The following SGCZ variants were observed in gnomAD, a reference collection of about 807,000 sequenced individuals.
SGCZ encodes the protein zeta-sarcoglycan.
SGCZ carries 40 observed loss-of-function variants against 41.3 expected under a neutral mutation model. That is an observed-to-expected ratio of 0.97 (90% confidence interval 0.75 to 1.26). The LOEUF is 1.26. Among genes scored for constraint, SGCZ ranks in the 50% most tolerant of loss-of-function variants. The pLI is 0.00. For missense variants in SGCZ, 552 were observed against 369.8 expected, an observed-to-expected ratio of 1.49 and a Z score of -4.04; for synonymous variants, 206 against 137.5, an observed-to-expected ratio of 1.50 and a Z score of -3.49.
chr8:14,743,796 A>C (rs1799266089), intron 1 of SGCZ, among the ~76,000 whole-genome samples: 1 of 152,134 alleles, frequency 6.6e-6, no homozygotes, highest in African/African-American at 2.4e-5. Flanking sequence ...GAAGGAAAGA[A>C]GATAATTCAA....
intron 1 of SGCZ, among the ~76,000 whole-genome samples, chr8:14,733,469 A>G (rs545872394): frequency 1.7e-4 from 26 of 152,314 alleles, no homozygotes; most frequent in African/African-American, 6.0e-4. Flanking sequence ...ATTCATGTCC[A>G]TATCTGTGTC....
intron 2 of SGCZ, among the ~76,000 whole-genome samples, chr8:14,491,761 T>C (rs909354677): frequency 6.6e-6 from 1 of 152,184 alleles, no homozygotes; most frequent in East Asian, 1.9e-4. Context: ...AATTGATGTC[T>C]TGGGGAACCA....
At chr8:15,084,202 G>T (rs17120886) in intron 1 of SGCZ, among the ~76,000 whole-genome samples, 2 of 152,184 alleles carry the variant, frequency 1.3e-5, no homozygotes, top group South Asian at 4.2e-4. Context: ...AATATTGTCC[G>T]TGGTCACTGT....
chr8:15,167,952 G>A (rs946259492), intron 1 of SGCZ, among the ~76,000 whole-genome samples: 25 of 152,132 alleles, frequency 1.6e-4, no homozygotes, highest in African/African-American at 2.4e-4. Flanking sequence ...ATCACTTGGC[G>A]GTTTCTTTTT....
chr8:14,791,247 T>G (rs567460394), intron 1 of SGCZ, among the ~76,000 whole-genome samples: 17 of 152,054 alleles, frequency 1.1e-4, no homozygotes, highest in African/African-American at 4.1e-4. Flanking sequence ...ATTACTTCTT[T>G]TAGTTTGCCA....
At chr8:14,977,042 A>G (rs1270104977) in intron 1 of SGCZ, among the ~76,000 whole-genome samples, 1 of 152,204 alleles carries the variant, frequency 6.6e-6, no homozygotes, top group African/African-American at 2.4e-5. Context: ...ACAAACACCA[A>G]TGTCTTTGCC....
At chr8:14,425,027 A>G (rs925273837) in intron 2 of SGCZ, among the ~76,000 whole-genome samples, 2 of 152,166 alleles carry the variant, frequency 1.3e-5, no homozygotes, top group Non-Finnish European at 2.9e-5. Flanking sequence ...AGCTTGAAAT[A>G]TATTTTCTGT....
chr8:14,667,648 T>G (rs1376453687), intron 1 of SGCZ, among the ~76,000 whole-genome samples: 1 of 152,186 alleles, frequency 6.6e-6, no homozygotes, highest in African/African-American at 2.4e-5. Flanking sequence ...CTTAAAAATC[T>G]AATGATTCCA....
chr8:14,494,337 C>T lies in SGCZ; in HGVS notation c.234+60395G>A, dbSNP rs1442437826. On this transcript the variant is annotated intron_variant, in intron 2 of 7. Coordinates refer to ENST00000382080, the MANE Select transcript of SGCZ (RefSeq NM_139167.4). ...TGTGTAAGACCTGCATAGGGTGGCT[C>T]AGCCCGGCTACTGTTTTCATGAATT... Among the ~76,000 whole-genome samples the T allele has an allele frequency of 2.0e-5, 3 of 152,270 alleles. No homozygotes were observed. In the East Asian group the frequency reaches 5.8e-4, roughly 29 times the overall value.
At chr8:14,613,123 G>A (rs1805983875) in intron 1 of SGCZ, among the ~76,000 whole-genome samples, 1 of 152,210 alleles carries the variant, frequency 6.6e-6, no homozygotes, top group Non-Finnish European at 1.5e-5. Context: ...CACTCAGGGA[G>A]AGTGAACCTG....
chr8:14,554,857 A>T lies in SGCZ; in HGVS notation c.109T>A (p.Tyr37Asn). ...NLPRTENAQL[Y>N]PVGIYGWRKR... ...CGCCATCCATAAATTCCCACTGGGT[A>T]AAGTTGTGCATTCTCAGTCCTTGGC... is the stretch of plus-strand genomic sequence containing the variant. The change falls in exon 2 of 8, where the codon TAC becomes AAC. Residue 37 changes from tyrosine to asparagine, a missense_variant. By Grantham distance (143) the Tyr-to-Asn change is moderately radical. Coordinates refer to ENST00000382080, the MANE Select transcript of SGCZ (RefSeq NM_139167.4). 1 of 1,613,342 alleles carries T rather than the reference A, an allele frequency of 6.2e-7. No individual in the cohort carries two copies. Among genetic ancestry groups the T allele is most frequent in the Non-Finnish European group, 8.5e-7 (1 of 1,179,540 alleles).
At chr8:14,398,392 G>A (rs937199116) in intron 2 of SGCZ, among the ~76,000 whole-genome samples, 1 of 151,746 alleles carries the variant, frequency 6.6e-6, no homozygotes, top group African/African-American at 2.4e-5. Context: ...CCTCCTAGAT[G>A]TGAACTCCGT....
chr8:14,684,496 C>T (rs543724920), intron 1 of SGCZ, among the ~76,000 whole-genome samples: 2 of 152,208 alleles, frequency 1.3e-5, no homozygotes, highest in South Asian at 2.1e-4. Context: ...TGAGTTGGCT[C>T]GTGCTCTTAA....
At chr8:14,416,241 T>G (rs1337108136) in intron 2 of SGCZ, among the ~76,000 whole-genome samples, 1 of 151,922 alleles carries the variant, frequency 6.6e-6, no homozygotes, top group Non-Finnish European at 1.5e-5. Context: ...GGCAGACATT[T>G]CCTATAAGAA....
chr8:14,335,995 A>G lies in SGCZ; in HGVS notation c.235-11791T>C, dbSNP rs534190751. Among the ~76,000 whole-genome samples, 3 of 152,206 alleles carry G rather than the reference A, an allele frequency of 2.0e-5. No individual in the cohort carries two copies. The East Asian group carries it at 5.8e-4, about 29-fold the overall frequency. On this transcript the variant is annotated intron_variant, in intron 2 of 7. Coordinates refer to ENST00000382080, the MANE Select transcript of SGCZ (RefSeq NM_139167.4). ...TAAACTCATGTCATAGGGGTTTGTTATACAGATTATCTCCTCAACAGGACT... is the reference window on the plus strand; with the variant it reads ...TAAACTCATGTCATAGGGGTTTGTTGTACAGATTATCTCCTCAACAGGACT...
At chr8:14,552,792 G>A (rs963829422) in intron 2 of SGCZ, among the ~76,000 whole-genome samples, 14 of 151,940 alleles carry the variant, frequency 9.2e-5, no homozygotes, top group African/African-American at 3.1e-4. Context: ...ATGTAATTAC[G>A]CATTTAAGTA....
Position 14,730,926 on chromosome 8 carries a change from C to T in SGCZ, c.40-176000G>A, listed in dbSNP as rs567300758. On this transcript the variant is annotated intron_variant, in intron 1 of 7. Transcript: ENST00000382080. Reference sequence around the variant, plus strand: ...ATGTGGAGAAAGAGGAACAATTTTACGCTGTTGGCAGGAGTGTAAATTAGT... The same window carrying T: ...ATGTGGAGAAAGAGGAACAATTTTATGCTGTTGGCAGGAGTGTAAATTAGT... Among the ~76,000 whole-genome samples, 27 of 151,896 alleles carry T rather than the reference C, an allele frequency of 1.8e-4. 2 individuals carry two copies. Among genetic ancestry groups the T allele is most frequent in the South Asian group, 1.7e-3 (8 of 4,810 alleles).
chr8:14,488,475 CT>C (rs1801744907), intron 2 of SGCZ, among the ~76,000 whole-genome samples: 1 of 152,058 alleles, frequency 6.6e-6, no homozygotes, highest in African/African-American at 2.4e-5. Flanking sequence ...AGATTACTCA[CT>C]TCAATAAAGT....
chr8:14,122,311 G>A, intron 5 of SGCZ, among the ~76,000 whole-genome samples: 1 of 152,058 alleles, frequency 6.6e-6, no homozygotes, highest in Non-Finnish European at 1.5e-5. Context: ...ACTTTAAGGA[G>A]CTATGGTGAT....
Sources: gnomAD v4.1 joint callset for allele counts (sites outside exome capture counted in the v4.1 genomes callset) on GRCh38, gnomAD v4.1.1 for gene constraint, MANE v1.5 for transcripts, NCBI Gene and HGNC (gene_info 2026-07-23, HGNC 2026-07-21) for gene names.